The following TNRC18 variants were observed in gnomAD, a reference collection of about 807,000 sequenced individuals.
TNRC18 encodes the protein trinucleotide repeat-containing gene 18 protein.
Under a neutral mutation model 226.7 loss-of-function variants are expected in TNRC18, and 69 were observed. The ratio of observed to expected loss-of-function variants is 0.30; its 90% CI spans 0.25 to 0.37. The LOEUF (loss-of-function observed/expected upper bound fraction) is 0.37, where lower values mean the gene tolerates loss of function less well. Among genes scored for constraint, TNRC18 ranks in the 10% least tolerant of loss-of-function variants. TNRC18 has a pLI of 1.00. For synonymous variants in TNRC18, 2,449 were observed against 1,927.6 expected, an observed-to-expected ratio of 1.27 and a Z score of -7.09; for missense variants, 4,754 against 4,256.6, an observed-to-expected ratio of 1.12 and a Z score of -3.25.
rs748968031 is a variant in TNRC18 at position 5,324,247 on chromosome 7, G to A, written c.6409C>T (p.Arg2137Cys). ...SSFSEDEHLP[R>C]GGAVERPLTP... The stretch of plus-strand genomic sequence containing the variant: ...AGCGGCCGCTCCACAGCCCCGCCAC[G>A]CGGCAGGTGCTCGTCCTCAGAGAAG... The change falls in exon 21 of 30, where the codon CGT becomes TGT. Residue 2137 changes from arginine (R) to cysteine (C), a missense_variant. Arg to Cys is a radical substitution (Grantham distance 180). Coordinates refer to ENST00000430969, the MANE Select transcript of TNRC18 (RefSeq NM_001080495.3). The surrounding 1 kb of genome is among the most constrained non-coding windows in gnomAD (Gnocchi z 4.8). 9.9e-6 allele frequency: 16 copies of A among 1,611,246 alleles called. No individual in the cohort carries two copies. In the East Asian group the frequency reaches 2.0e-4, roughly 20 times the overall value.
intron 16 of TNRC18, among the ~76,000 whole-genome samples, chr7:5,353,255 G>A (rs890968440): frequency 1.6e-4 from 25 of 152,240 alleles, no homozygotes; most frequent in African/African-American, 5.8e-4. Flanking sequence ...CCCACAGGGA[G>A]GTCGGGTGCA....
At chr7:5,322,924 G>A (rs1392767093) in intron 21 of TNRC18, among the ~76,000 whole-genome samples, 1 of 152,194 alleles carries the variant, frequency 6.6e-6, no homozygotes, top group African/African-American at 2.4e-5. Flanking sequence ...AGTGGCCGGG[G>A]CCCAATGCTG....
chr7:5,376,370 G>A (rs1181410814), intron 8 of TNRC18, 146 bp from the exon 9 acceptor site: 4 of 756,128 alleles, frequency 5.3e-6, no homozygotes, highest in East Asian at 5.9e-5. Context: ...CTCCCCAGGG[G>A]CCAGGAAGTT....
chr7:5,314,901 C>T (rs1787688785), intron 26 of TNRC18, 83 bp downstream of exon 26: 10 of 1,433,004 alleles, frequency 7.0e-6, no homozygotes, highest in Middle Eastern at 5.1e-4. Context: ...CAGGCAGGCA[C>T]TTCGGCAGGT....
At chr7:5,339,566 TG>T (rs1790471994) in intron 18 of TNRC18, among the ~76,000 whole-genome samples, 1 of 147,748 alleles carries the variant, frequency 6.8e-6, no homozygotes, top group African/African-American at 2.5e-5. Context: ...TGTGTGTGTG[TG>T]TGTGTGTGTG....
At position 5,415,875 on chromosome 7, in the gene TNRC18, G is replaced by A. The variant is rs559632970; in HGVS notation, c.187+5185C>T. ...TAATCCCAGCACTTTGGGAGGCCTA[G>A]GTGGGTGGATCACCTGAGGCCAGGA... On this transcript the variant is annotated intron_variant, in intron 2 of 29. Coordinates refer to ENST00000430969, the MANE Select transcript of TNRC18 (RefSeq NM_001080495.3). 6.6e-5 allele frequency among the ~76,000 whole-genome samples: 10 copies of A among 150,700 alleles called. No individual in the cohort carries two copies. In the East Asian group the frequency reaches 2.0e-3, roughly 30 times the overall value.
intron 16 of TNRC18, among the ~76,000 whole-genome samples, chr7:5,356,404 G>C (rs1792381974): frequency 6.6e-6 from 1 of 152,154 alleles, no homozygotes; most frequent in Non-Finnish European, 1.5e-5. Context: ...CCATAGCCGA[G>C]CACGGTGGGC....
At chr7:5,356,588 C>G (rs896464130) in intron 16 of TNRC18, among the ~76,000 whole-genome samples, 1 of 152,236 alleles carries the variant, frequency 6.6e-6, no homozygotes, top group Non-Finnish European at 1.5e-5. Flanking sequence ...AAGGCTTCCT[C>G]GCCTATGACA....
rs1790494028 is a variant in TNRC18 at position 5,339,700 on chromosome 7, G to C, written c.5719+5862C>G. 2.0e-5 allele frequency among the ~76,000 whole-genome samples: 3 copies of C among 152,070 alleles called. No individual in the cohort carries two copies. The South Asian group carries it at 6.2e-4, about 32-fold the overall frequency. ...TTCTCCTGTCTCAGCCTCCAGAGTA[G>C]TTGGGATTACAGGCGCCCGCCACCA... On this transcript the variant is annotated intron_variant, in intron 18 of 29. Transcript: ENST00000430969.
Position 5,320,597 on chromosome 7 carries a change from C to A in TNRC18, c.6571G>T (p.Val2191Leu), listed in dbSNP as rs771506227. ...TVHSPDIYRV[V>L]VEGERGNRPH... ...CGGTTGCCCCGCTCACCCTCCACCA[C>A]CACGCGGTATCTGTAGGAGCAAACG... Residue 2191 changes from valine (V) to leucine (L), a missense_variant, in exon 23 of 30, where the codon GTG becomes TTG. Coordinates refer to ENST00000430969, the MANE Select transcript of TNRC18 (RefSeq NM_001080495.3). 1.9e-6 allele frequency: 3 copies of A among 1,611,550 alleles called. No homozygotes were observed. Among genetic ancestry groups the A allele is most frequent in the Non-Finnish European group, 2.5e-6 (3 of 1,179,664 alleles).
At chr7:5,335,354 A>C (rs1382015752) in intron 18 of TNRC18, among the ~76,000 whole-genome samples, 1 of 149,650 alleles carries the variant, frequency 6.7e-6, no homozygotes, top group East Asian at 2.0e-4. Context: ...TCACACCTGT[A>C]ATCTCAACAC....
intron 18 of TNRC18, among the ~76,000 whole-genome samples, chr7:5,338,650 G>A (rs1227817487): frequency 1.4e-5 from 2 of 148,012 alleles, no homozygotes; most frequent in African/African-American, 5.0e-5. Context: ...GCTCGGCACA[G>A]TAGCTCACGC....
In TNRC18 at chr7:5,343,018, C is replaced by T. The variant is rs1018625782; in HGVS notation, c.5719+2544G>A. Among the ~76,000 whole-genome samples the T allele has an allele frequency of 1.1e-4, 17 of 152,222 alleles. No individual in the cohort carries two copies. The East Asian group carries it at 3.1e-3, about 28-fold the overall frequency. On this transcript the variant is annotated intron_variant, in intron 18 of 29. Transcript: ENST00000430969. ...TTCAGATGATCGTTAGCGTTTTTGG[C>T]AATACACTATTTTTAAGATATGTAC...
chr7:5,349,618 C>A (rs1791573243), intron 17 of TNRC18, among the ~76,000 whole-genome samples: 1 of 152,202 alleles, frequency 6.6e-6, no homozygotes, highest in Non-Finnish European at 1.5e-5. Flanking sequence ...ACGAGCCAGG[C>A]TCGCACCCAA....
At chr7:5,393,177 G>A (rs1035250847) in intron 3 of TNRC18, among the ~76,000 whole-genome samples, 1 of 152,208 alleles carries the variant, frequency 6.6e-6, no homozygotes, top group Admixed American at 6.5e-5. Context: ...GTGAGCTGGT[G>A]GCAGACAGTC....
At chr7:5,357,882 C>T (rs1284051373) in intron 15 of TNRC18, among the ~76,000 whole-genome samples, 3 of 152,158 alleles carry the variant, frequency 2.0e-5, no homozygotes, top group African/African-American at 4.8e-5. Flanking sequence ...GTGACCACAA[C>T]GTCTGGTACA....
At position 5,345,727 on chromosome 7, in the gene TNRC18, G is replaced by A. The variant is rs760103428; in HGVS notation, c.5554C>T (p.Arg1852Trp). The A allele has an allele frequency of 1.4e-4, 210 of 1,548,290 alleles. No homozygotes were observed. Among genetic ancestry groups the A allele is most frequent in the Non-Finnish European group, 1.8e-4 (202 of 1,146,802 alleles). The change falls in exon 18 of 30, where the codon CGG (arginine) becomes TGG (tryptophan). Residue 1852 changes from arginine (R) to tryptophan (W), a missense_variant. Transcript: ENST00000430969. ...ASGGGYRLGA[R>W]ERALSPGLEE... ...AGGCCCGGTGACAGGGCCCGCTCCC[G>A]GGCACCCAGCCTGTAGCCACCACCG...
intron 17 of TNRC18, 129 bp downstream of exon 17, chr7:5,351,690 T>A (rs573853374): frequency 6.8e-6 from 7 of 1,034,194 alleles, no homozygotes; most frequent in Non-Finnish European, 9.7e-6. Flanking sequence ...GGCAGCCTTC[T>A]TGCGGCCATC....
At chr7:5,405,706 G>A (rs551041761) in intron 2 of TNRC18, among the ~76,000 whole-genome samples, 1 of 152,274 alleles carries the variant, frequency 6.6e-6, no homozygotes, top group South Asian at 2.1e-4. Context: ...TCATACCACT[G>A]CACTCCAAGC....
Sources: allele counts gnomAD v4.1 joint callset (sites outside exome capture counted in the v4.1 genomes callset), GRCh38; gene constraint gnomAD v4.1.1; non-coding constraint Gnocchi (gnomAD v3.1); transcripts MANE v1.5; gene names NCBI Gene and HGNC (gene_info 2026-07-23, HGNC 2026-07-21).